PCDH15: variants seen among roughly 807,000 people sequenced by gnomAD.
The protein encoded by PCDH15 is protocadherin related 15.
A neutral mutation model predicts 178.5 loss-of-function variants in PCDH15; 129 were observed. The observed-to-expected ratio is 0.72, with a 90% CI of 0.63 to 0.84. The LOEUF (loss-of-function observed/expected upper bound fraction) is 0.84, where lower values mean the gene tolerates loss of function less well. Ranked by LOEUF, PCDH15 falls within the 40% of genes least tolerant of loss-of-function variation. The pLI is 0.00. For missense variants in PCDH15, 2,230 were observed against 2,099.9 expected, an observed-to-expected ratio of 1.06 and a Z score of -1.21; for synonymous variants, 800 against 732.0, an observed-to-expected ratio of 1.09 and a Z score of -1.50.
chr10:53,952,268 G>T (rs1398808903), intron 23 of PCDH15, among the ~76,000 whole-genome samples: 1 of 152,166 alleles, frequency 6.6e-6, no homozygotes, highest in Non-Finnish European at 1.5e-5. Flanking sequence ...GGAAGAATTA[G>T]GTATATAGCC....
At chr10:54,428,341 T>A (rs1234922408) in intron 3 of PCDH15, among the ~76,000 whole-genome samples, 3 of 152,284 alleles carry the variant, frequency 2.0e-5, no homozygotes, top group Admixed American at 2.0e-4. Flanking sequence ...GAAGACTCAG[T>A]TCAAAGTTGT....
intron 2 of PCDH15, among the ~76,000 whole-genome samples, chr10:55,023,002 C>T (rs180780261): frequency 7.0e-4 from 106 of 152,172 alleles, no homozygotes; most frequent in African/African-American, 2.4e-3. Flanking sequence ...AGTGCAGTGG[C>T]TCCATCGCCG....
At position 55,413,837 on chromosome 10, in the gene PCDH15, A is replaced by G. The variant is rs116579595; in HGVS notation, c.-156+213788T>C. On this transcript the variant is annotated intron_variant, in intron 2 of 5. Transcript: ENST00000613346. ...TTTAGGTTAGAGAAAACTGAATAAA[A>G]TAAAAATCACATATTGAATGAAGAG... 5.4e-3 allele frequency among the ~76,000 whole-genome samples: 822 copies of G among 151,730 alleles called. 10 individuals carry two copies. Among genetic ancestry groups the G allele is most frequent in the African/African-American group, 0.018 (740 of 41,510 alleles).
In PCDH15 at chr10:55,398,853, T is replaced by G. The variant is rs114557725; in HGVS notation, c.-156+228772A>C. Among the ~76,000 whole-genome samples the G allele has an allele frequency of 7.9e-3, 1,207 of 152,156 alleles. 15 individuals are homozygous for G. Among genetic ancestry groups the G allele is most frequent in the African/African-American group, 0.026 (1,085 of 41,518 alleles). ...GGTACTCAGTAAATATTTGCTCAAA[T>G]AATAAAATAATAGATAAACTAATCA... On this transcript the variant is annotated intron_variant, in intron 2 of 5. Transcript: ENST00000613346.
chr10:54,356,771 C>T (rs1214137829), intron 5 of PCDH15, among the ~76,000 whole-genome samples: 1 of 151,468 alleles, frequency 6.6e-6, no homozygotes, highest in African/African-American at 2.4e-5. Context: ...TGTATGGGGA[C>T]CTGGAATCAA....
chr10:54,627,942 A>G (rs1429919694), intron 2 of PCDH15, among the ~76,000 whole-genome samples: 1 of 152,216 alleles, frequency 6.6e-6, no homozygotes, highest in Admixed American at 6.5e-5. Flanking sequence ...AAACTTAATA[A>G]TAACTAATAT....
chr10:55,054,929 T>C (rs1218777976), intron 2 of PCDH15, among the ~76,000 whole-genome samples: 1 of 152,230 alleles, frequency 6.6e-6, no homozygotes, highest in East Asian at 1.9e-4. Flanking sequence ...CTTTGCTGGA[T>C]GCATAGTTTG....
At position 55,070,538 on chromosome 10, in the gene PCDH15, C is replaced by G. The variant is rs571198304; in HGVS notation, c.-80+96038G>C. On this transcript the variant is annotated intron_variant, in intron 2 of 5. Transcript: ENST00000458638. ...CAGCACCATTTTTTAAATAGGGAAT[C>G]CTTTCCCCATTGCTTGTTTTTCTCA... is the stretch of plus-strand genomic sequence containing the variant. Among the ~76,000 whole-genome samples the G allele has an allele frequency of 1.3e-3, 191 of 152,260 alleles. 1 individual carries two copies. Among genetic ancestry groups the G allele is most frequent in the African/African-American group, 4.3e-3 (179 of 41,560 alleles).
rs900600967 is a variant in PCDH15, at chr10:53,805,211, A to T, written c.*1368T>A. ...TCAGTCCTTCAACCATATATTAAGC[A>T]TGCATGAGGAAATTTCATTAAAACC... On this transcript the variant is annotated 3_prime_UTR_variant, in exon 38 of 38. Transcript: ENST00000644397. 6.6e-6 allele frequency: 1 copy of T among 152,056 alleles called. No individual in the cohort carries two copies. Among genetic ancestry groups the T allele is most frequent in the Admixed American group, 6.6e-5 (1 of 15,240 alleles). 9.4% of individuals were successfully genotyped at this position (152,056 alleles called of 1,614,324 possible). A position where few individuals can be genotyped will look rare whatever the true frequency, so the allele number is the denominator to read the frequency against.
intron 6 of PCDH15, among the ~76,000 whole-genome samples, chr10:54,331,050 AAAACTGTGTATGTGAGAGAG>A (rs1212097810): frequency 1.3e-5 from 2 of 151,812 alleles, no homozygotes; most frequent in Non-Finnish European, 2.9e-5. Flanking sequence ...GAAGAAGAAA[AAAACTGTGTATGTGAGAGAG>A]AAACAGAGAG....
chr10:55,272,772 G>T (rs1842479768), intron 1 of PCDH15, among the ~76,000 whole-genome samples: 1 of 152,006 alleles, frequency 6.6e-6, no homozygotes, highest in African/African-American at 2.4e-5. Context: ...TAAAGAAAAA[G>T]GAAGTTTTAT....
intron 1 of PCDH15, among the ~76,000 whole-genome samples, chr10:54,693,906 C>T (rs2095174231): frequency 6.6e-6 from 1 of 151,908 alleles, no homozygotes; most frequent in Non-Finnish European, 1.5e-5. Context: ...CAAACCGAAA[C>T]AAAAAATAGT....
intron 26 of PCDH15, among the ~76,000 whole-genome samples, chr10:53,898,184 G>T (rs905337273): frequency 1.3e-5 from 2 of 151,638 alleles, no homozygotes; most frequent in Non-Finnish European, 2.9e-5. Context: ...AGCCAGGATG[G>T]TCTGGATCTC....
chr10:53,824,192 C>T lies in PCDH15; in HGVS notation c.4367+3201G>A, dbSNP rs537554519. ...TATCACTGAAAGGCTTACTTATGCA[C>T]GGAAACTGAATCATAGGTAGTTGTG... On this transcript the variant is annotated intron_variant, in intron 32 of 37. Coordinates refer to ENST00000644397, the MANE Select transcript of PCDH15 (RefSeq NM_001384140.1). Among the ~76,000 whole-genome samples, 132 of 151,916 alleles carry T rather than the reference C, an allele frequency of 8.7e-4. 1 individual carries two copies. The highest frequency in any genetic ancestry group is 2.6e-3 in the African/African-American group (108 of 41,440).
At chr10:55,510,461 G>A (rs1166704361) in intron 2 of PCDH15, among the ~76,000 whole-genome samples, 2 of 151,804 alleles carry the variant, frequency 1.3e-5, no homozygotes, top group Admixed American at 6.6e-5. Context: ...TAGCTAACGT[G>A]TTTTTCTCCC....
intron 1 of PCDH15, among the ~76,000 whole-genome samples, chr10:55,243,994 T>C (rs1267925775): frequency 1.3e-5 from 2 of 152,072 alleles, no homozygotes; most frequent in Non-Finnish European, 2.9e-5. Flanking sequence ...TATGTCTGGA[T>C]TTTATATATT....
intron 2 of PCDH15, among the ~76,000 whole-genome samples, chr10:55,560,888 A>C (rs531650194): frequency 6.6e-6 from 1 of 152,004 alleles, no homozygotes; most frequent in South Asian, 2.1e-4. Context: ...TAAGGGAAAC[A>C]GGAAAATAAA....
intron 8 of PCDH15, among the ~76,000 whole-genome samples, chr10:54,309,027 C>A (rs2060727804): frequency 6.6e-6 from 1 of 152,044 alleles, no homozygotes; most frequent in Non-Finnish European, 1.5e-5. Flanking sequence ...GGAGCTACCA[C>A]CTGTTTCCCT....
In PCDH15 at chr10:55,067,442, T is replaced by C. The variant is rs936052142; in HGVS notation, c.-80+99134A>G. ...TTTTAACAACAGAATAGTATTCCAT[T>C]ATGTATATATACCACATTTTCTTTA... On this transcript the variant is annotated intron_variant, in intron 2 of 5. Coordinates refer to the PCDH15 transcript ENST00000458638. Among the ~76,000 whole-genome samples the C allele has an allele frequency of 1.1e-4, 16 of 152,046 alleles. 1 individual carries two copies. Among genetic ancestry groups the C allele is most frequent in the Admixed American group, 9.8e-4 (15 of 15,236 alleles).
Sources: allele counts gnomAD v4.1 joint callset (sites outside exome capture counted in the v4.1 genomes callset), GRCh38; gene constraint gnomAD v4.1.1; transcripts MANE v1.5; gene names NCBI Gene and HGNC (gene_info 2026-07-23, HGNC 2026-07-21).